Variants in LRRC47 observed in about 807,000 individuals in gnomAD.
LRRC47 encodes leucine-rich repeat-containing protein 47.
LRRC47 carries 31 observed loss-of-function variants against 40.9 expected under a neutral mutation model. The observed-to-expected ratio is 0.76, with a 90% CI of 0.57 to 1.02. The LOEUF (loss-of-function observed/expected upper bound fraction) is 1.02, where lower values mean the gene tolerates loss of function less well. Among genes scored for constraint, LRRC47 ranks in the 50% least tolerant of loss-of-function variants. LRRC47 has a pLI of 0.00. For synonymous variants in LRRC47, 427 were observed against 371.9 expected (o/e 1.15, Z -1.70); for missense variants, 726 against 796.1 (o/e 0.91, Z 1.06).
chr1:3,793,829 G>A (rs1643649235), intron 1 of LRRC47, among the ~76,000 whole-genome samples: 1 of 152,072 alleles, frequency 6.6e-6, no homozygotes, highest in African/African-American at 2.4e-5. Flanking sequence ...AGCACCCGTT[G>A]CCTAGCCACC....
At chr1:3,784,564 G>A (rs1199523808) in intron 3 of LRRC47, among the ~76,000 whole-genome samples, 4 of 112,764 alleles carry the variant, frequency 3.5e-5, no homozygotes, top group South Asian at 6.2e-4. Flanking sequence ...GGTAGTGAGC[G>A]AGTGAAGGAA....
intron 4 of LRRC47, 31 bp from the exon 5 acceptor site, chr1:3,782,794 T>C (rs1166098702): frequency 1.5e-6 from 2 of 1,316,286 alleles, no homozygotes; most frequent in East Asian, 4.6e-5. Context: ...ATTCCAGGCA[T>C]AATTATAAAA....
Position 3,779,288 on chromosome 1 carries a change from G to A in LRRC47, c.*1800C>T, listed in dbSNP as rs1643495926. ...GTTGACAACTAAAGGTGTGTGGGCT[G>A]TGGGGCTCTTGCAGATGCTTCCCAA... is the stretch of plus-strand genomic sequence containing the variant. On this transcript the variant is annotated 3_prime_UTR_variant, in exon 7 of 7. Coordinates refer to ENST00000378251, the MANE Select transcript of LRRC47 (RefSeq NM_020710.3). The A allele has an allele frequency of 6.6e-6, 1 of 152,298 alleles. No individual in the cohort carries two copies. The highest frequency in any genetic ancestry group is 6.5e-5 in the Admixed American group (1 of 15,294). 9.4% of individuals were successfully genotyped at this position (152,298 alleles called of 1,614,324 possible).
chr1:3,784,136 C>G, intron 3 of LRRC47, 25 bp from the exon 4 acceptor site: 1 of 1,576,354 alleles, frequency 6.3e-7, no homozygotes, highest in Non-Finnish European at 8.6e-7. Flanking sequence ...CCCACAAACT[C>G]CACTAGGGTC....
chr1:3,786,698 T>A (rs1643576737), intron 2 of LRRC47, 151 bp downstream of exon 2: 2 of 751,704 alleles, frequency 2.7e-6, no homozygotes, highest in East Asian at 2.7e-5. Context: ...TATTCCCTTT[T>A]TGGAGCTGAG....
At chr1:3,782,125 T>C (rs1030536742) in intron 5 of LRRC47, among the ~76,000 whole-genome samples, 15 of 152,178 alleles carry the variant, frequency 9.9e-5, no homozygotes, top group African/African-American at 3.6e-4. Context: ...AGGGGGCCCT[T>C]TGACCCCTCT....
intron 4 of LRRC47, 91 bp from the exon 5 acceptor site, chr1:3,782,854 G>A: frequency 3.6e-6 from 3 of 824,652 alleles, no homozygotes; most frequent in Non-Finnish European, 6.4e-6. Flanking sequence ...CCAGCACTCA[G>A]GAGGCTGAGA....
rs576149909 is a variant in LRRC47, at chr1:3,788,225, G to A, written c.616-915C>T. 2.6e-5 allele frequency among the ~76,000 whole-genome samples: 4 copies of A among 152,352 alleles called. No individual in the cohort carries two copies. In the East Asian group the frequency reaches 7.7e-4, roughly 29 times the overall value. Reference sequence around the variant, plus strand: ...CTCCACTCTGCTCTTTCCTGGCTTGGTACCCAGGCCCCACAGCCTTGCCTG... The same window carrying A: ...CTCCACTCTGCTCTTTCCTGGCTTGATACCCAGGCCCCACAGCCTTGCCTG... On this transcript the variant is annotated intron_variant, in intron 1 of 6. Coordinates refer to ENST00000378251, the MANE Select transcript of LRRC47 (RefSeq NM_020710.3).
At chr1:3,791,171 G>A (rs1002094263) in intron 1 of LRRC47, among the ~76,000 whole-genome samples, 5 of 152,182 alleles carry the variant, frequency 3.3e-5, no homozygotes, top group South Asian at 2.1e-4. Flanking sequence ...CCACGCGAGC[G>A]ACCAGCAGCA....
chr1:3,788,386 G>A (rs986871525), intron 1 of LRRC47, among the ~76,000 whole-genome samples: 7 of 152,210 alleles, frequency 4.6e-5, no homozygotes, highest in African/African-American at 1.4e-4. Flanking sequence ...CCCCCAGAGA[G>A]GAGGCAACAG....
chr1:3,780,348 C>G lies in LRRC47; in HGVS notation c.*740G>C, dbSNP rs907946971. 1 of 152,158 alleles carries G rather than the reference C, an allele frequency of 6.6e-6. No homozygotes were observed. The highest frequency in any genetic ancestry group is 6.5e-5 in the Admixed American group (1 of 15,280). 9.4% of individuals were successfully genotyped at this position (152,158 alleles called of 1,614,324 possible). On this transcript the variant is annotated 3_prime_UTR_variant, in exon 7 of 7. Transcript: ENST00000378251. ...ACGACGAGAGCCCAGACCAGGATTC[C>G]AAACACACTGCACGAGAATATTGTG...
chr1:3,793,709 T>C (rs746347954), intron 1 of LRRC47, among the ~76,000 whole-genome samples: 15 of 152,158 alleles, frequency 9.9e-5, no homozygotes, highest in Admixed American at 3.3e-4. Flanking sequence ...GTCTGATCAA[T>C]GGCTCTACCT....
Position 3,787,071 on chromosome 1 carries a change from C to T in LRRC47, c.855G>A (p.Arg285=). 1.2e-6 allele frequency: 2 copies of T among 1,613,982 alleles called. No individual in the cohort carries two copies. Among genetic ancestry groups the T allele is most frequent in the South Asian group, 2.2e-5 (2 of 91,084 alleles). ...SEKEESRRKR[R]ERKQRREGGD... ...CACCTTCCCGCCTCTGCTTCCTCTC[C>T]CTCCTCTTCCTCCGGCTCTCTTCCT... is the stretch of plus-strand genomic sequence containing the variant. Residue 285 remains arginine, a synonymous_variant, in exon 2 of 7, where the codon AGG becomes AGA. Transcript: ENST00000378251.
chr1:3,793,351 C>T (rs1643644044), intron 1 of LRRC47, among the ~76,000 whole-genome samples: 1 of 152,182 alleles, frequency 6.6e-6, no homozygotes, highest in Non-Finnish European at 1.5e-5. Flanking sequence ...CCTCAGCCTC[C>T]CAAACTGCTG....
chr1:3,783,959 C>G lies in LRRC47; in HGVS notation c.1310+37G>C, dbSNP rs981575660. The G allele has an allele frequency of 1.8e-5, 28 of 1,551,178 alleles. No individual in the cohort carries two copies. The Middle Eastern group carries it at 5.9e-4, about 33-fold the overall frequency. On this transcript the variant is annotated intron_variant, in intron 4 of 6. Transcript: ENST00000378251. ...GCTGAGGCCAGCATGCGGCACTCCC[C>G]CGGGCCCGGCCCCACCCCACCAGGC...
At chr1:3,782,880 G>C (rs1643534597) in intron 4 of LRRC47, 117 bp from the exon 5 acceptor site, 1 of 702,972 alleles carries the variant, frequency 1.4e-6, no homozygotes, top group Non-Finnish European at 2.6e-6. Flanking sequence ...GGGCTGCATG[G>C]GCCCAGGAGT....
Position 3,786,869 on chromosome 1 carries a change from T to C in LRRC47, c.1057A>G (p.Lys353Glu). The C allele has an allele frequency of 6.3e-7, 1 of 1,599,754 alleles. No individual in the cohort carries two copies. Among genetic ancestry groups the C allele is most frequent in the Non-Finnish European group, 8.5e-7 (1 of 1,172,672 alleles). ...GMDLQPGNAL[K>E]RFLTSQTKLH... ...CCCACCTGCGAGGTGAGGAAGCGCTTGAGTGCATTCCCTGGCTGCAGGTCC... is the reference window on the plus strand; with the variant it reads ...CCCACCTGCGAGGTGAGGAAGCGCTCGAGTGCATTCCCTGGCTGCAGGTCC... The change falls in exon 2 of 7, where the codon AAG (lysine) becomes GAG (glutamate). Residue 353 changes from lysine (K) to glutamate (E), a missense_variant. By Grantham distance (56) the Lys-to-Glu change is moderately conservative (BLOSUM62 1). Coordinates refer to ENST00000378251, the MANE Select transcript of LRRC47 (RefSeq NM_020710.3).
In LRRC47 at chr1:3,785,270, T is replaced by G. The variant is rs576464294; in HGVS notation, c.1078-67A>C. ...TGAAGCCCAGCGAGGTGTCCACACT[T>G]CACCCTTGGCTGGGCTGTGTGCCAG... On this transcript the variant is annotated intron_variant, in intron 2 of 6. Coordinates refer to ENST00000378251, the MANE Select transcript of LRRC47 (RefSeq NM_020710.3). 64 of 1,158,556 alleles carry G rather than the reference T, an allele frequency of 5.5e-5. No individual in the cohort carries two copies. In the African/African-American group the frequency reaches 1.0e-3, roughly 18 times the overall value. 71.8% of individuals were successfully genotyped at this position (1,158,556 alleles called of 1,614,324 possible).
At position 3,795,906 on chromosome 1, in the gene LRRC47, G is replaced by A. The variant is rs1376147124; in HGVS notation, c.571C>T (p.Leu191Phe). 2.5e-6 allele frequency: 4 copies of A among 1,598,952 alleles called. No individual in the cohort carries two copies. Among genetic ancestry groups the A allele is most frequent in the Non-Finnish European group, 2.5e-6 (3 of 1,177,110 alleles). The change falls in exon 1 of 7, where the codon CTC (leucine) becomes TTC (phenylalanine). Residue 191 changes from leucine (L) to phenylalanine (F), a missense_variant. By Grantham distance (22) the Leu-to-Phe change is conservative. Transcript: ENST00000378251. Reference sequence around the variant, plus strand: ...GCGATGTCGGGGCTGAGTTCTCGGAGGCAGTTGTCAGCAGCCGCCAGTTCA... The same window carrying A: ...GCGATGTCGGGGCTGAGTTCTCGGAAGCAGTTGTCAGCAGCCGCCAGTTCA... ...LSELAAADNCLRELSPDIAHL... is the reference protein window; with the variant it reads ...LSELAAADNCFRELSPDIAHL...
Sources: gnomAD v4.1 joint callset for allele counts (sites outside exome capture counted in the v4.1 genomes callset) on GRCh38, gnomAD v4.1.1 for gene constraint, MANE v1.5 for transcripts, NCBI Gene and HGNC (gene_info 2026-07-23, HGNC 2026-07-21) for gene names.